The following DENND4C variants were observed in gnomAD, a reference collection of about 807,000 sequenced individuals.
The protein encoded by DENND4C is DENN domain containing 4C.
DENND4C carries 108 observed loss-of-function variants against 203.0 expected under a neutral mutation model. The ratio of observed to expected loss-of-function variants is 0.53; its 90% CI spans 0.46 to 0.62. The LOEUF is 0.62. DENND4C is among the 20% of genes least tolerant of loss of function. The pLI is 0.00. For synonymous variants in DENND4C, 871 were observed against 792.4 expected (o/e 1.10, Z -1.67); for missense variants, 2,481 against 2,301.2 (o/e 1.08, Z -1.60).
chr9:19,305,399 T>C lies in DENND4C; in HGVS notation c.1359T>C (p.Pro453=), dbSNP rs1249524535. The C allele has an allele frequency of 1.9e-6, 3 of 1,613,926 alleles. No individual in the cohort carries two copies. Among genetic ancestry groups the C allele is most frequent in the Non-Finnish European group, 1.7e-6 (2 of 1,179,870 alleles). ...QWQCPYIPLC[P]LSLAAVLSAP... The stretch of plus-strand genomic sequence containing the variant: ...AATGCCCATATATTCCCCTTTGTCC[T>C]CTTTCACTGGCTGCAGTGCTTAGTG... The change falls in exon 10 of 33, where the codon CCT becomes CCC. Residue 453 remains proline, a synonymous_variant. Coordinates refer to ENST00000434457, the MANE Select transcript of DENND4C (RefSeq NM_001330640.2).
chr9:19,357,439 G>A (rs1468192465), intron 27 of DENND4C: 6 of 327,680 alleles, frequency 1.8e-5, no homozygotes, highest in Non-Finnish European at 2.8e-5. Context: ...GAGGCGAAAT[G>A]TTCTCTTTCT....
rs1228322163 is a variant in DENND4C, at chr9:19,336,529, ATT to A, written c.2734+117_2734+118del. On this transcript the variant is annotated intron_variant, in intron 19 of 32. Transcript: ENST00000434457. ...AATTCCGGTAGACATTTTCACATAC[ATT>A]TAAAGACAGATTGTCTTAGTCCAAA... The A allele has an allele frequency of 4.9e-6, 7 of 1,441,024 alleles. No homozygotes were observed. The East Asian group carries it at 1.7e-4, about 36-fold the overall frequency. The allele number at this position is 1,441,024 out of a possible 1,614,324, so 89.3% of individuals were successfully genotyped here.
intron 12 of DENND4C, among the ~76,000 whole-genome samples, chr9:19,319,731 G>A (rs1159172070): frequency 6.6e-6 from 1 of 151,956 alleles, no homozygotes; most frequent in Non-Finnish European, 1.5e-5. Flanking sequence ...TGGTCTACTA[G>A]GGGACACAGA....
At chr9:19,279,539 T>C (rs1833604316) in intron 2 of DENND4C, among the ~76,000 whole-genome samples, 1 of 151,992 alleles carries the variant, frequency 6.6e-6, no homozygotes, top group African/African-American at 2.4e-5. Flanking sequence ...TAGTTGGGCA[T>C]GGTGGCGAGC....
chr9:19,275,794 A>G (rs1003235261), intron 1 of DENND4C, among the ~76,000 whole-genome samples: 26 of 152,114 alleles, frequency 1.7e-4, no homozygotes, highest in African/African-American at 5.8e-4. Flanking sequence ...TTTAGTAGAG[A>G]CAGGGTTTCA....
intron 1 of DENND4C, among the ~76,000 whole-genome samples, chr9:19,271,090 CAG>C (rs1831552732): frequency 2.6e-5 from 4 of 151,692 alleles, no homozygotes; most frequent in African/African-American, 9.7e-5. Context: ...TAAGTAAATG[CAG>C]AGATTAACCT....
At chr9:19,230,543 T>G (rs79909362), upstream of DENND4C, 36,963 of 152,178 alleles carry the variant, frequency 0.24, 4,778 homozygotes, top group African/African-American at 0.33. Flanking sequence ...TTGGGACGGC[T>G]GCGCCGCGGG....
Position 19,328,081 on chromosome 9 carries a change from G to A in DENND4C, c.2172G>A (p.Glu724=). ...TTAAGCTTTTTGACAGACCGCAGGA[G>A]TTGAAACTTTGTTTTAGTAGACACC... ...LDLKLFDRPQ[E]LKLCFSRHPT... is the part of the protein sequence containing the mutation. The change falls in exon 16 of 33, where the codon GAG becomes GAA. Residue 724 remains glutamate (E), a synonymous_variant. Transcript: ENST00000434457. The A allele has an allele frequency of 6.2e-7, 1 of 1,613,642 alleles. No individual in the cohort carries two copies.
chr9:19,235,607 A>AACC lies in DENND4C; in HGVS notation c.-18+4774_-18+4775insACC, dbSNP rs1426193862. 4.1e-5 allele frequency among the ~76,000 whole-genome samples: 4 copies of AACC among 97,086 alleles called. No individual in the cohort carries two copies. In the East Asian group the frequency reaches 1.0e-3, roughly 25 times the overall value. 63.7% of individuals were successfully genotyped at this position (97,086 alleles called of 152,430 possible). The stretch of plus-strand genomic sequence containing the variant: ...TTATCTGTTGGTTTACAGAAGAGTC[A>AACC]TCTTTTTTTTTTTTTTTTTTTGAGA... On this transcript the variant is annotated intron_variant, in intron 1 of 32. Transcript: ENST00000434457.
chr9:19,245,406 G>A (rs186890560), intron 1 of DENND4C, among the ~76,000 whole-genome samples: 143 of 151,336 alleles, frequency 9.4e-4, no homozygotes, highest in Non-Finnish European at 1.7e-3. Flanking sequence ...GGCGGAGCTT[G>A]CAGTGAGCCA....
chr9:19,301,618 G>T (rs934414248), intron 9 of DENND4C, among the ~76,000 whole-genome samples: 9 of 152,146 alleles, frequency 5.9e-5, no homozygotes, highest in African/African-American at 1.9e-4. Context: ...GAAAATATTT[G>T]TTAATGAACT....
Position 19,350,885 on chromosome 9 carries a change from G to C in DENND4C, c.4495+6G>C. On this transcript the variant is annotated splice_donor_region_variant and intron_variant, in intron 24 of 32. Transcript: ENST00000434457. ...AAAACTGCATTATCCAACAGGTATG[G>C]GGAAGGATTATCCTTTCTTCATTTG... is the stretch of plus-strand genomic sequence containing the variant. 2 of 1,603,970 alleles carry C rather than the reference G, an allele frequency of 1.2e-6. No individual in the cohort carries two copies. Among genetic ancestry groups the C allele is most frequent in the Non-Finnish European group, 1.7e-6 (2 of 1,175,400 alleles).
intron 1 of DENND4C, among the ~76,000 whole-genome samples, chr9:19,273,574 C>G (rs1564107936): frequency 6.6e-6 from 1 of 151,662 alleles, no homozygotes; most frequent in Non-Finnish European, 1.5e-5. Flanking sequence ...ATAAAGAACT[C>G]AAAACTCATG....
chr9:19,283,874 C>T (rs1036395708), intron 2 of DENND4C, among the ~76,000 whole-genome samples: 3 of 152,032 alleles, frequency 2.0e-5, no homozygotes, highest in African/African-American at 7.2e-5. Context: ...GGATTATAGG[C>T]GTGAGCCACT....
Position 19,358,039 on chromosome 9 carries a change from G to C in DENND4C, c.5039G>C (p.Arg1680Pro). The C allele has an allele frequency of 6.2e-7, 1 of 1,613,766 alleles. No individual in the cohort carries two copies. Among genetic ancestry groups the C allele is most frequent in the Non-Finnish European group, 8.5e-7 (1 of 1,179,754 alleles). ...TCTGTGCCTAATAGTTTATCAAAGC[G>C]AAATGTGTCTTTGACTCGAAGTCAC... The part of the protein sequence containing the change: ...ISSVPNSLSK[R>P]NVSLTRSHSV... Residue 1680 changes from arginine to proline, a missense_variant, in exon 28 of 33, where the codon CGA becomes CCA. This residue lies in a region of DENND4C where 2,289 missense variants were observed against 2,113.3 expected (regional missense o/e 1.08). Coordinates refer to ENST00000434457, the MANE Select transcript of DENND4C (RefSeq NM_001330640.2). This position sits in a 1 kb window ranked among gnomAD's most constrained non-coding sequence, Gnocchi z 4.8.
In DENND4C at chr9:19,346,728, A is replaced by T. The variant is rs140623138; in HGVS notation, c.3959A>T (p.His1320Leu). Reference sequence around the variant, plus strand: ...TCTGGCATGACTACTGCATTTATTCATGCTCTAGAGAGGAGATCAAGCCTA... The same window carrying T: ...TCTGGCATGACTACTGCATTTATTCTTGCTCTAGAGAGGAGATCAAGCCTA... The part of the protein sequence containing the change: ...RESGMTTAFI[H>L]ALERRSSLPL... The change falls in exon 23 of 33, where the codon CAT becomes CTT. Residue 1320 changes from histidine to leucine, a missense_variant. Physicochemically the swap from His to Leu is moderately conservative, Grantham distance 99 (BLOSUM62 -3). This residue lies in a region of DENND4C where 2,289 missense variants were observed against 2,113.3 expected (regional missense o/e 1.08). Coordinates refer to ENST00000434457, the MANE Select transcript of DENND4C (RefSeq NM_001330640.2). 34 of 1,614,098 alleles carry T rather than the reference A, an allele frequency of 2.1e-5. No individual in the cohort carries two copies. The highest frequency in any genetic ancestry group is 2.7e-5 in the Non-Finnish European group (32 of 1,180,048).
chr9:19,332,745 A>G (rs1363254018), intron 17 of DENND4C, among the ~76,000 whole-genome samples: 1 of 145,568 alleles, frequency 6.9e-6, no homozygotes, highest in Non-Finnish European at 1.5e-5. Flanking sequence ...GGCACCTGGC[A>G]TATGGTTTTT....
intron 1 of DENND4C, among the ~76,000 whole-genome samples, chr9:19,255,929 AT>A (rs147566120): frequency 0.021 from 3,263 of 152,242 alleles, 124 homozygotes; most frequent in African/African-American, 0.073. Flanking sequence ...TGCACATGGA[AT>A]ATTCATCAAG....
At chr9:19,278,037 A>G (rs1442213901) in intron 2 of DENND4C, among the ~76,000 whole-genome samples, 11 of 148,692 alleles carry the variant, frequency 7.4e-5, no homozygotes, top group African/African-American at 2.0e-4. Flanking sequence ...ATATTATCAC[A>G]TATCCAAATT....
Sources: gnomAD v4.1 joint callset for allele counts (sites outside exome capture counted in the v4.1 genomes callset) on GRCh38, gnomAD v4.1.1 for gene constraint, gnomAD v4.1.1 regional missense constraint, Gnocchi (gnomAD v3.1) non-coding constraint, MANE v1.5 for transcripts, NCBI Gene and HGNC (gene_info 2026-07-23, HGNC 2026-07-21) for gene names.